Variants in NTRK3 observed in about 807,000 individuals in gnomAD.
NTRK3 encodes NT-3 growth factor receptor.
NTRK3 carries 24 observed loss-of-function variants against 91.7 expected under a neutral mutation model. The observed-to-expected ratio is 0.26, with a 90% CI of 0.19 to 0.37. NTRK3 has a LOEUF of 0.37. NTRK3 is among the 10% of genes least tolerant of loss of function. NTRK3 has a pLI of 1.00. For synonymous variants in NTRK3, 483 were observed against 404.0 expected (o/e 1.20, Z -2.34); for missense variants, 880 against 1,068.9 (o/e 0.82, Z 2.46).
At chr15:88,044,641 C>A (rs1181431297) in intron 13 of NTRK3, among the ~76,000 whole-genome samples, 1 of 136,600 alleles carries the variant, frequency 7.3e-6, no homozygotes, top group African/African-American at 2.7e-5. Context: ...AGAATGAACA[C>A]ACTTCTGAAC....
chr15:88,219,038 A>G (rs966136769), intron 3 of NTRK3, among the ~76,000 whole-genome samples: 2 of 152,260 alleles, frequency 1.3e-5, no homozygotes, highest in African/African-American at 2.4e-5. Context: ...CAACAATGAC[A>G]GGAGACGACC....
chr15:88,136,091 C>T (rs1243043516), intron 8 of NTRK3, 51 bp from the exon 9 acceptor site: 1 of 1,603,372 alleles, frequency 6.2e-7, no homozygotes, highest in Admixed American at 1.7e-5. Flanking sequence ...ACAAGGATGG[C>T]TCTGCTACCT....
chr15:88,009,171 A>G (rs934031980), intron 14 of NTRK3, among the ~76,000 whole-genome samples: 1 of 152,214 alleles, frequency 6.6e-6, no homozygotes. Context: ...TTAATTTCAT[A>G]TTGCTTAAAA....
At chr15:87,898,595 A>C (rs921823807) in intron 17 of NTRK3, among the ~76,000 whole-genome samples, 2 of 152,116 alleles carry the variant, frequency 1.3e-5, no homozygotes, top group African/African-American at 4.8e-5. Context: ...CTTAGCTAGG[A>C]ATGGGCTCAC....
chr15:88,067,317 C>A (rs1292505488), intron 13 of NTRK3, among the ~76,000 whole-genome samples: 1 of 152,194 alleles, frequency 6.6e-6, no homozygotes, highest in Non-Finnish European at 1.5e-5. Flanking sequence ...TAACTCCCTA[C>A]AATAATTATC....
intron 13 of NTRK3, among the ~76,000 whole-genome samples, chr15:88,054,707 G>C (rs1286627984): frequency 6.6e-6 from 1 of 151,928 alleles, no homozygotes; most frequent in Non-Finnish European, 1.5e-5. Context: ...ATTTCCCCCT[G>C]GGTCAGTGGG....
At chr15:88,143,059 AC>A (rs909489271) in intron 6 of NTRK3, among the ~76,000 whole-genome samples, 2 of 151,342 alleles carry the variant, frequency 1.3e-5, no homozygotes, top group African/African-American at 2.4e-5. Flanking sequence ...TACTAAAAAT[AC>A]AAAAAAAAAA....
chr15:87,912,834 A>C (rs1328752581), intron 17 of NTRK3, among the ~76,000 whole-genome samples: 2 of 151,332 alleles, frequency 1.3e-5, no homozygotes, highest in Admixed American at 1.3e-4. Context: ...GACCATATCC[A>C]GAGAATGTTG....
chr15:88,004,701 A>C (rs906952300), intron 14 of NTRK3, among the ~76,000 whole-genome samples: 1 of 152,194 alleles, frequency 6.6e-6, no homozygotes, highest in African/African-American at 2.4e-5. Context: ...GAAGAGAAGA[A>C]ACATTTATAA....
intron 15 of NTRK3, among the ~76,000 whole-genome samples, chr15:87,934,235 C>T (rs959668674): frequency 1.3e-5 from 2 of 152,210 alleles, no homozygotes; most frequent in Non-Finnish European, 2.9e-5. Flanking sequence ...CCAGCCTCTC[C>T]ACCCTCCCTA....
rs1455388835 is a variant in NTRK3 at position 87,929,446 on chromosome 15, T to A, written c.1890-12A>T. On this transcript the variant is annotated splice_polypyrimidine_tract_variant and intron_variant, in intron 16 of 18. Coordinates refer to ENST00000394480, the Ensembl canonical transcript of NTRK3. ...CTGGCCCATGGGCCCTGCAAGAGCA[T>A]GGGGAGAAGAGAGGGGGCAGAGAGA... The A allele has an allele frequency of 6.2e-7, 1 of 1,613,254 alleles. No individual in the cohort carries two copies. The highest frequency in any genetic ancestry group is 8.5e-7 in the Non-Finnish European group (1 of 1,179,472).
At chr15:87,886,699 T>TATATACAC (rs1265075771) in intron 17 of NTRK3, among the ~76,000 whole-genome samples, 20 of 138,490 alleles carry the variant, frequency 1.4e-4, no homozygotes, top group African/African-American at 5.2e-4. Flanking sequence ...TATATATATA[T>TATATACAC]ACATATATAC....
chr15:88,049,200 G>T (rs2080560460), intron 13 of NTRK3, among the ~76,000 whole-genome samples: 1 of 152,172 alleles, frequency 6.6e-6, no homozygotes, highest in African/African-American at 2.4e-5. Flanking sequence ...CATGCAAGAG[G>T]CATGGAAGTG....
chr15:88,129,941 T>C (rs547174668), intron 10 of NTRK3, among the ~76,000 whole-genome samples: 1 of 152,234 alleles, frequency 6.6e-6, no homozygotes, highest in African/African-American at 2.4e-5. Context: ...TAATCAAATA[T>C]GGTTGATGTC....
chr15:88,195,780 G>C (rs569076762), intron 3 of NTRK3, among the ~76,000 whole-genome samples: 25 of 152,324 alleles, frequency 1.6e-4, no homozygotes, highest in African/African-American at 5.1e-4. Flanking sequence ...AGGGGTCTTG[G>C]GGGGAAAAGC....
At chr15:88,215,257 G>A (rs976957870) in intron 3 of NTRK3, among the ~76,000 whole-genome samples, 9 of 152,182 alleles carry the variant, frequency 5.9e-5, no homozygotes. Context: ...CAGTTCAAAC[G>A]GAGCATCACG....
At chr15:88,184,341 A>C (rs2046777204) in intron 3 of NTRK3, 42 bp from the exon 4 acceptor site, 1 of 1,592,802 alleles carries the variant, frequency 6.3e-7, no homozygotes, top group Admixed American at 1.7e-5. Flanking sequence ...CAGAAGCAAC[A>C]GAAATGGGGC....
At chr15:88,207,885 C>A (rs1203550035) in intron 3 of NTRK3, among the ~76,000 whole-genome samples, 1 of 152,246 alleles carries the variant, frequency 6.6e-6, no homozygotes, top group Non-Finnish European at 1.5e-5. Context: ...AAAGCCACTG[C>A]TCCTGTGGAC....
chr15:88,039,157 ACACACACG>A (rs992053159), intron 13 of NTRK3, among the ~76,000 whole-genome samples: 1 of 147,318 alleles, frequency 6.8e-6, no homozygotes, highest in Non-Finnish European at 1.5e-5. Flanking sequence ...ACACACACAC[ACACACACG>A]CACAGAAACA....
Sources: allele counts gnomAD v4.1 joint callset (sites outside exome capture counted in the v4.1 genomes callset), GRCh38; gene constraint gnomAD v4.1.1; transcripts MANE v1.5; gene names NCBI Gene and HGNC (gene_info 2026-07-23, HGNC 2026-07-21).